EXOC6: variants seen among roughly 807,000 people sequenced by gnomAD.
The protein encoded by EXOC6 is exocyst complex component 6.
EXOC6 carries 60 observed loss-of-function variants against 112.5 expected under a neutral mutation model. The observed-to-expected ratio is 0.53, with a 90% CI of 0.43 to 0.66. The LOEUF is 0.66. Among genes scored for constraint, EXOC6 ranks in the 30% least tolerant of loss-of-function variants. The pLI, the probability that EXOC6 is intolerant of heterozygous loss-of-function variation, is 0.00. For missense variants in EXOC6, 855 were observed against 957.1 expected (o/e 0.89, Z 1.41); for synonymous variants, 295 against 308.0 (o/e 0.96, Z 0.44).
chr10:92,867,024 T>C (rs1848207029), intron 1 of EXOC6, among the ~76,000 whole-genome samples: 1 of 152,158 alleles, frequency 6.6e-6, no homozygotes, highest in Admixed American at 6.5e-5. Context: ...TTTTACATAC[T>C]TAATGAAGAG....
chr10:92,869,379 G>A (rs1359494664), intron 1 of EXOC6, among the ~76,000 whole-genome samples: 2 of 151,962 alleles, frequency 1.3e-5, no homozygotes, highest in South Asian at 2.1e-4. Context: ...CATGATCACC[G>A]CTAGCTGTAA....
At chr10:92,899,215 A>G (rs941446365) in intron 4 of EXOC6, among the ~76,000 whole-genome samples, 9 of 152,142 alleles carry the variant, frequency 5.9e-5, no homozygotes, top group Non-Finnish European at 1.0e-4. Context: ...CTCACACTCA[A>G]CTTTCTCTCT....
intron 20 of EXOC6, among the ~76,000 whole-genome samples, chr10:93,018,308 T>C (rs1844634252): frequency 6.6e-6 from 1 of 152,164 alleles, no homozygotes; most frequent in African/African-American, 2.4e-5. Context: ...AATATGTTTT[T>C]TAAATGCCTT....
rs35127540 is a variant in EXOC6 at position 92,944,773 on chromosome 10, ATT to A, written c.1311-3486_1311-3485del. On this transcript the variant is annotated intron_variant, in intron 13 of 21. Transcript: ENST00000260762. ...CAGCTGTGAGGTGATACCTCGTTGT[ATT>A]TTTTTTTTTTTTTTGAGACAGAGTT... Among the ~76,000 whole-genome samples, 166 of 137,230 alleles carry A rather than the reference ATT, an allele frequency of 1.2e-3. 2 individuals are homozygous for A. Among genetic ancestry groups the A allele is most frequent in the African/African-American group, 3.0e-3 (113 of 37,356 alleles). The allele number at this position is 137,230 out of a possible 152,430, so 90.0% of individuals were successfully genotyped here.
intron 17 of EXOC6, among the ~76,000 whole-genome samples, chr10:92,971,374 A>C (rs1842290445): frequency 6.9e-6 from 1 of 144,806 alleles, no homozygotes. Context: ...CACTTATTGT[A>C]CTTTTTTTTT....
Position 92,948,331 on chromosome 10 carries a change from T to C in EXOC6, c.1368T>C (p.Tyr456=), listed in dbSNP as rs746177012. The C allele has an allele frequency of 6.2e-6, 10 of 1,610,290 alleles. No individual in the cohort carries two copies. The highest frequency in any genetic ancestry group is 3.3e-4 in the Middle Eastern group (2 of 6,032). The change falls in exon 14 of 22, where the codon TAT becomes TAC. Residue 456 remains tyrosine (Y), a synonymous_variant. Transcript: ENST00000260762. The stretch of plus-strand genomic sequence containing the variant: ...TCCCTGTTGTCAATGAAGAAGAATA[T>C]AAAATTGTCATCAGCAAATTTCCCT... ...SPIPVVNEEE[Y]KIVISKFPFQ...
At chr10:92,898,064 G>A (rs1190091612) in intron 4 of EXOC6, among the ~76,000 whole-genome samples, 1 of 152,212 alleles carries the variant, frequency 6.6e-6, no homozygotes, top group East Asian at 1.9e-4. Context: ...AGACACGTAA[G>A]TCATCAGTTG....
chr10:92,940,073 A>G (rs1170942434), intron 12 of EXOC6, among the ~76,000 whole-genome samples: 1 of 152,136 alleles, frequency 6.6e-6, no homozygotes, highest in African/African-American at 2.4e-5. Context: ...TGTGGAAGTT[A>G]AAGACATAAT....
intron 20 of EXOC6, among the ~76,000 whole-genome samples, chr10:93,034,792 C>T (rs1845437355): frequency 6.6e-6 from 1 of 152,118 alleles, no homozygotes; most frequent in Non-Finnish European, 1.5e-5. Flanking sequence ...CTTTTGTTTG[C>T]ATTATTTTGT....
At chr10:92,854,925 C>T (rs1260667032) in intron 1 of EXOC6, among the ~76,000 whole-genome samples, 2 of 152,124 alleles carry the variant, frequency 1.3e-5, no homozygotes, top group Non-Finnish European at 2.9e-5. Flanking sequence ...TTATTCTATT[C>T]ATGTGGTACA....
chr10:92,904,164 T>TA (rs1407598590), intron 5 of EXOC6, among the ~76,000 whole-genome samples: 1 of 152,110 alleles, frequency 6.6e-6, no homozygotes, highest in Admixed American at 6.6e-5. Context: ...CACTGAATAA[T>TA]ACTACACTGT....
intron 17 of EXOC6, among the ~76,000 whole-genome samples, chr10:92,973,289 A>C (rs1369351951): frequency 6.6e-6 from 1 of 152,190 alleles, no homozygotes; most frequent in African/African-American, 2.4e-5. Context: ...GAGTTTTAGA[A>C]TGTTGTCTTT....
At chr10:92,949,881 C>T (rs1000854986) in intron 14 of EXOC6, among the ~76,000 whole-genome samples, 2 of 152,066 alleles carry the variant, frequency 1.3e-5, no homozygotes, top group African/African-American at 4.8e-5. Context: ...CAGGCGTGAG[C>T]CACTGTACCT....
intron 20 of EXOC6, among the ~76,000 whole-genome samples, chr10:93,035,684 G>A (rs1287262194): frequency 6.6e-6 from 1 of 151,756 alleles, no homozygotes. Context: ...GCAAAACCCC[G>A]TCTCTACTAA....
rs889815861 is a variant in EXOC6, at chr10:93,058,648, T to G, written c.*293T>G. 1 of 230,044 alleles carries G rather than the reference T, an allele frequency of 4.3e-6. No homozygotes were observed. The allele number at this position is 230,044 out of a possible 1,614,324, so 14.3% of individuals were successfully genotyped here. On this transcript the variant is annotated 3_prime_UTR_variant, in exon 22 of 22. Coordinates refer to ENST00000260762, the MANE Select transcript of EXOC6 (RefSeq NM_019053.6). ...ACATGAAATTGATTACAAATACATT[T>G]GAAAAACATATGCCTCTACTCATAA...
intron 14 of EXOC6, among the ~76,000 whole-genome samples, chr10:92,951,884 A>G (rs879878873): frequency 3.3e-5 from 5 of 152,148 alleles, no homozygotes; most frequent in Non-Finnish European, 7.4e-5. Context: ...TTATTTAATG[A>G]CTCTGAGCCA....
At chr10:92,970,502 A>T (rs954977834) in intron 17 of EXOC6, among the ~76,000 whole-genome samples, 3 of 152,242 alleles carry the variant, frequency 2.0e-5, no homozygotes, top group Non-Finnish European at 4.4e-5. Context: ...CTCTTACCAG[A>T]GGATGACTGT....
chr10:92,926,257 A>G (rs562406995), intron 8 of EXOC6, among the ~76,000 whole-genome samples: 1 of 151,926 alleles, frequency 6.6e-6, no homozygotes, highest in Non-Finnish European at 1.5e-5. Context: ...TGATAATTTC[A>G]CTCAGAAGAA....
intron 14 of EXOC6, among the ~76,000 whole-genome samples, chr10:92,952,002 T>C (rs1413440259): frequency 6.6e-6 from 1 of 152,190 alleles, no homozygotes; most frequent in Non-Finnish European, 1.5e-5. Context: ...ATCACCAGAA[T>C]ACTCATCATC....
Sources: gnomAD v4.1 joint callset for allele counts (sites outside exome capture counted in the v4.1 genomes callset) on GRCh38, gnomAD v4.1.1 for gene constraint, MANE v1.5 for transcripts, NCBI Gene and HGNC (gene_info 2026-07-23, HGNC 2026-07-21) for gene names.